Variants in SVOP observed in about 807,000 individuals in gnomAD.
SVOP encodes the protein SV2 related protein, also known as synaptic vesicle 2-related protein.
A neutral mutation model predicts 69.1 loss-of-function variants in SVOP; 17 were observed. That is an observed-to-expected ratio of 0.25 (90% CI 0.17 to 0.37). SVOP has a LOEUF of 0.37. SVOP is among the 10% of genes least tolerant of loss of function. The probability of loss-of-function intolerance (pLI) is 1.00; values close to 1 mark genes in which losing one functional copy is unlikely to be tolerated. For missense variants in SVOP, 435 were observed against 597.5 expected (o/e 0.73, Z 2.84); for synonymous variants, 238 against 238.6 (o/e 1.00, Z 0.02).
intron 11 of SVOP, among the ~76,000 whole-genome samples, chr12:108,927,497 T>TC (rs1388093633): frequency 1.3e-5 from 2 of 151,886 alleles, no homozygotes; most frequent in African/African-American, 2.4e-5. Flanking sequence ...TGTCTCCCCT[T>TC]CCCCCCAAAT....
chr12:108,937,298 A>C lies in SVOP; in HGVS notation c.937T>G (p.Phe313Val), dbSNP rs1296570451. The C allele has an allele frequency of 6.2e-7, 1 of 1,613,950 alleles. No homozygotes were observed. The highest frequency in any genetic ancestry group is 2.2e-5 in the East Asian group (1 of 44,884). ...CACAGCAGCAAAGTTGTCCATCTAA[A>C]ATGGGGTGTGAAAAGGTCCCTCATT... ...GKMRDLFTPH[F>V]RWTTLLLWFI... The change falls in exon 10 of 16, where the codon TTT becomes GTT. Residue 313 changes from phenylalanine (F) to valine (V), a missense_variant. Physicochemically the swap from Phe to Val is conservative, Grantham distance 50 (BLOSUM62 -1). Coordinates refer to ENST00000610966, the MANE Select transcript of SVOP (RefSeq NM_018711.5).
intron 1 of SVOP, among the ~76,000 whole-genome samples, chr12:109,018,959 T>A (rs1181994005): frequency 1.3e-5 from 2 of 152,202 alleles, no homozygotes; most frequent in African/African-American, 2.4e-5. Context: ...TCAGAAAGGT[T>A]AAGTCACTTG....
intron 4 of SVOP, among the ~76,000 whole-genome samples, chr12:108,972,762 G>A (rs141911020): frequency 0.68 from 103,321 of 152,112 alleles, 35,526 homozygotes; most frequent in East Asian, 0.79. Flanking sequence ...CGCAGCCTGC[G>A]CTGGTATCAG....
intron 8 of SVOP, among the ~76,000 whole-genome samples, chr12:108,939,579 T>C (rs575273175): frequency 1.4e-4 from 22 of 152,238 alleles, no homozygotes; most frequent in Non-Finnish European, 2.6e-4. Flanking sequence ...TTAGAAGATC[T>C]GATTTAGAGT....
intron 2 of SVOP, among the ~76,000 whole-genome samples, chr12:108,982,548 CCGTCATCAT>C (rs1427198737): frequency 1.6e-3 from 242 of 148,020 alleles, no homozygotes; most frequent in Admixed American, 3.9e-3. Context: ...TTCATCATCA[CCGTCATCAT>C]CGTCACCATC....
chr12:108,993,028 G>A (rs1298736251), intron 1 of SVOP, among the ~76,000 whole-genome samples: 1 of 152,030 alleles, frequency 6.6e-6, no homozygotes, highest in Non-Finnish European at 1.5e-5. Flanking sequence ...GTAACATAGC[G>A]AGACCCCGTC....
rs1410703511 is a variant in SVOP, at chr12:108,999,918, C to T, written c.36-16157G>A. On this transcript the variant is annotated intron_variant, in intron 1 of 15. Transcript: ENST00000610966. ...ATTAAAAGAACTAGAAAAGCAAGAG[C>T]GAACACATTCAAAAGCTAGCAGAAG... Among the ~76,000 whole-genome samples, 14 of 151,948 alleles carry T rather than the reference C, an allele frequency of 9.2e-5. No homozygotes were observed. In the East Asian group the frequency reaches 1.5e-3, roughly 17 times the overall value.
chr12:108,973,450 G>T (rs1288134786), intron 4 of SVOP, among the ~76,000 whole-genome samples: 1 of 152,160 alleles, frequency 6.6e-6, no homozygotes, highest in African/African-American at 2.4e-5. Flanking sequence ...GGAGTGCAGT[G>T]GTATGGTCAT....
chr12:108,958,122 G>A (rs970765461), intron 6 of SVOP, among the ~76,000 whole-genome samples: 2 of 152,106 alleles, frequency 1.3e-5, no homozygotes, highest in Admixed American at 6.6e-5. Context: ...GTACTGCTTC[G>A]TGCAGAGCAG....
chr12:109,013,192 A>G (rs2040351215), intron 1 of SVOP, among the ~76,000 whole-genome samples: 1 of 152,208 alleles, frequency 6.6e-6, no homozygotes, highest in Admixed American at 6.5e-5. Flanking sequence ...GATACATCAG[A>G]TCCCACCCTT....
chr12:109,003,014 T>TAA lies in SVOP; in HGVS notation c.35+17818_35+17819dup, dbSNP rs369150628. Among the ~76,000 whole-genome samples the TAA allele has an allele frequency of 3.5e-3, 521 of 150,342 alleles. 6 individuals are homozygous for TAA. Among genetic ancestry groups the TAA allele is most frequent in the African/African-American group, 0.01 (412 of 41,116 alleles). ...ATAAATAAATAAATAAAAATAAAAA[T>TAA]AAAAAAACAAGAAATGCAGAGTCTC... On this transcript the variant is annotated intron_variant, in intron 1 of 15. Transcript: ENST00000610966.
intron 4 of SVOP, among the ~76,000 whole-genome samples, chr12:108,974,566 A>G (rs1366085286): frequency 1.3e-5 from 2 of 152,074 alleles, no homozygotes; most frequent in Non-Finnish European, 2.9e-5. Flanking sequence ...CTCTGTCTCT[A>G]CTAAAAGTAA....
chr12:108,960,784 T>G, intron 6 of SVOP, 139 bp downstream of exon 6: 1 of 1,004,958 alleles, frequency 1.0e-6, no homozygotes, highest in Non-Finnish European at 1.4e-6. Context: ...ACACCATAGC[T>G]CCTTGATCCT....
intron 5 of SVOP, among the ~76,000 whole-genome samples, chr12:108,969,089 T>C (rs528214460): frequency 2.6e-5 from 4 of 152,158 alleles, no homozygotes; most frequent in African/African-American, 9.6e-5. Context: ...CTGGCCTCCT[T>C]TGATTATTTT....
Position 109,017,135 on chromosome 12 carries a change from C to A in SVOP, c.35+3699G>T, listed in dbSNP as rs2040371726. Among the ~76,000 whole-genome samples the A allele has an allele frequency of 5.3e-5, 8 of 152,126 alleles. 1 individual carries two copies. The South Asian group carries it at 1.7e-3, about 32-fold the overall frequency. Reference sequence around the variant, plus strand: ...GCCAAGGACCCGTAACGGTCTCTGGCCTGTTAGGAACCGGGCTGCACAGTG... The same window carrying A: ...GCCAAGGACCCGTAACGGTCTCTGGACTGTTAGGAACCGGGCTGCACAGTG... On this transcript the variant is annotated intron_variant, in intron 1 of 15. Transcript: ENST00000610966.
rs1566062581 is a variant in SVOP, at chr12:108,983,646, C to G, written c.151G>C (p.Asp51His). ...TCCTTGGGCACAGCTGCCCCATCAT[C>G]CAGCTCCACAGCCTCTAGGCCCACG... The part of the protein sequence containing the change: ...VHVGLEAVEL[D>H]DGAAVPKEFA... Residue 51 changes from aspartate to histidine, a missense_variant, in exon 2 of 16, where the codon GAT (aspartate) becomes CAT (histidine). Transcript: ENST00000610966. 2 of 398,910 alleles carry G rather than the reference C, an allele frequency of 5.0e-6. No individual in the cohort carries two copies. Among genetic ancestry groups the G allele is most frequent in the Non-Finnish European group, 8.8e-6 (2 of 226,276 alleles). The allele number at this position is 398,910 out of a possible 1,614,324, so 24.7% of individuals were successfully genotyped here. A position where few individuals can be genotyped will look rare whatever the true frequency, so the allele number is the denominator to read the frequency against.
At chr12:108,966,433 G>A (rs368734817) in intron 5 of SVOP, among the ~76,000 whole-genome samples, 1 of 152,004 alleles carries the variant, frequency 6.6e-6, no homozygotes. Flanking sequence ...TCCTAACCCC[G>A]TATGTGAATG....
At chr12:108,977,361 A>T in intron 4 of SVOP, 37 bp downstream of exon 4, 1 of 1,535,474 alleles carries the variant, frequency 6.5e-7, no homozygotes, top group South Asian at 1.2e-5. Context: ...GGGGAGCAGA[A>T]CTGTATGCAA....
At chr12:108,981,883 A>G (rs963550590) in intron 2 of SVOP, among the ~76,000 whole-genome samples, 18 of 151,968 alleles carry the variant, frequency 1.2e-4, no homozygotes, top group African/African-American at 4.4e-4. Context: ...CATCCCCACC[A>G]TCAGCACTAT....
Sources: allele counts gnomAD v4.1 joint callset (sites outside exome capture counted in the v4.1 genomes callset), GRCh38; gene constraint gnomAD v4.1.1; transcripts MANE v1.5; gene names NCBI Gene and HGNC (gene_info 2026-07-23, HGNC 2026-07-21).